Variants in TANGO6 observed in about 807,000 individuals in gnomAD.
TANGO6 encodes transport and Golgi organization protein 6 homolog.
In TANGO6, 90 loss-of-function variants were observed where a neutral mutation model predicts 114.2. The observed-to-expected ratio is 0.79, with a 90% CI of 0.66 to 0.94. TANGO6 has a LOEUF of 0.94. Among genes scored for constraint, TANGO6 ranks in the 40% least tolerant of loss-of-function variants. TANGO6 has a pLI of 0.00. For synonymous variants in TANGO6, 477 were observed against 509.8 expected (o/e 0.94, Z 0.87); for missense variants, 1,274 against 1,315.3 (o/e 0.97, Z 0.49).
At chr16:68,871,128 GTC>G (rs1264451038) in intron 4 of TANGO6, among the ~76,000 whole-genome samples, 1 of 151,962 alleles carries the variant, frequency 6.6e-6, no homozygotes, top group Non-Finnish European at 1.5e-5. Context: ...GTCTGAAAAA[GTC>G]TAGTTCATCT....
intron 17 of TANGO6, among the ~76,000 whole-genome samples, chr16:69,062,922 T>A (rs1960146295): frequency 1.3e-5 from 2 of 150,464 alleles, no homozygotes; most frequent in South Asian, 4.2e-4. Flanking sequence ...TGAAACCCTG[T>A]CTGTATTAAA....
intron 15 of TANGO6, among the ~76,000 whole-genome samples, chr16:69,018,727 C>T (rs192946007): frequency 3.6e-4 from 55 of 151,396 alleles, no homozygotes; most frequent in African/African-American, 1.3e-3. Flanking sequence ...TCGAGACTAT[C>T]CTGGCTAACA....
At chr16:68,857,536 A>G (rs1962017001) in intron 1 of TANGO6, among the ~76,000 whole-genome samples, 1 of 152,130 alleles carries the variant, frequency 6.6e-6, no homozygotes, top group Non-Finnish European at 1.5e-5. Context: ...ACTCATTTGG[A>G]TAAATACCCA....
intron 11 of TANGO6, among the ~76,000 whole-genome samples, chr16:68,911,890 A>G (rs934764222): frequency 9.9e-5 from 15 of 152,232 alleles, no homozygotes; most frequent in Admixed American, 2.0e-4. Flanking sequence ...TCTGTAGCAC[A>G]CTGGAGCCAA....
At chr16:68,881,494 A>G (rs1253200756) in intron 7 of TANGO6, among the ~76,000 whole-genome samples, 1 of 152,154 alleles carries the variant, frequency 6.6e-6, no homozygotes, top group African/African-American at 2.4e-5. Context: ...AGCCTGGGGG[A>G]TAGAGCGAGA....
At chr16:68,897,519 C>T (rs13330104) in intron 7 of TANGO6, among the ~76,000 whole-genome samples, 4,268 of 151,500 alleles carry the variant, frequency 0.028, 201 homozygotes, top group African/African-American at 0.093. Flanking sequence ...ACAAGTAGTA[C>T]TTGTTCATTA....
chr16:69,012,849 T>TA (rs1964155828), intron 15 of TANGO6, among the ~76,000 whole-genome samples: 1 of 152,196 alleles, frequency 6.6e-6, no homozygotes, highest in Admixed American at 6.5e-5. Flanking sequence ...CTCGGAGCCT[T>TA]ACGGTTCAAA....
chr16:68,892,511 C>CT (rs57046490), intron 7 of TANGO6, among the ~76,000 whole-genome samples: 5,444 of 138,252 alleles, frequency 0.039, 334 homozygotes, highest in African/African-American at 0.13. Flanking sequence ...TTCAGTCTTT[C>CT]TTTTTTTTTT....
At chr16:68,948,355 C>T (rs1002483680) in intron 14 of TANGO6, 1 of 152,136 alleles carries the variant, frequency 6.6e-6, no homozygotes, top group African/African-American at 2.4e-5. Context: ...GTGCTAGTCA[C>T]AGCAACCCTG....
At chr16:69,024,863 G>T (rs867793057) in intron 16 of TANGO6, among the ~76,000 whole-genome samples, 1 of 151,854 alleles carries the variant, frequency 6.6e-6, no homozygotes, top group Non-Finnish European at 1.5e-5. Context: ...GCTGGAGTGC[G>T]GTGGTGCAGT....
chr16:68,996,084 T>C (rs1963986641), intron 15 of TANGO6, among the ~76,000 whole-genome samples: 1 of 152,168 alleles, frequency 6.6e-6, no homozygotes, highest in South Asian at 2.1e-4. Flanking sequence ...CTAAGATCCC[T>C]CTTCTGTTCA....
intron 15 of TANGO6, among the ~76,000 whole-genome samples, chr16:69,010,750 C>CA: frequency 6.6e-6 from 1 of 152,332 alleles, no homozygotes; most frequent in Non-Finnish European, 1.5e-5. Context: ...GAAGTAAGGA[C>CA]AAAATCTCCA....
intron 4 of TANGO6, among the ~76,000 whole-genome samples, chr16:68,870,071 T>C (rs980251787): frequency 6.6e-6 from 1 of 152,164 alleles, no homozygotes; most frequent in African/African-American, 2.4e-5. Flanking sequence ...TTTAGAAATA[T>C]CTATCTGGAG....
chr16:69,072,786 G>GT (rs1960316561), intron 17 of TANGO6, among the ~76,000 whole-genome samples: 1 of 152,188 alleles, frequency 6.6e-6, no homozygotes, highest in Non-Finnish European at 1.5e-5. Flanking sequence ...TGCACAGGCA[G>GT]TATTGTTATT....
chr16:68,898,446 C>G (rs940665223), intron 7 of TANGO6, among the ~76,000 whole-genome samples: 2 of 152,160 alleles, frequency 1.3e-5, no homozygotes, highest in Non-Finnish European at 2.9e-5. Flanking sequence ...TACTTCAAAA[C>G]TCTTTCTATA....
At chr16:68,928,577 G>A (rs1428623695) in intron 13 of TANGO6, among the ~76,000 whole-genome samples, 1 of 152,100 alleles carries the variant, frequency 6.6e-6, no homozygotes, top group Non-Finnish European at 1.5e-5. Flanking sequence ...TGGGATTACA[G>A]GCGTGAGCCA....
intron 12 of TANGO6, among the ~76,000 whole-genome samples, chr16:68,926,366 T>G (rs1015301270): frequency 6.6e-6 from 1 of 150,850 alleles, no homozygotes; most frequent in African/African-American, 2.4e-5. Context: ...TGGTGGCGTG[T>G]GCCTGTAGTC....
chr16:69,054,125 C>T (rs1215525039), intron 17 of TANGO6, among the ~76,000 whole-genome samples: 9 of 152,114 alleles, frequency 5.9e-5, no homozygotes, highest in Non-Finnish European at 7.4e-5. Flanking sequence ...TGGAGGGTTC[C>T]GGAAGATGAG....
intron 8 of TANGO6, 64 bp from the exon 9 acceptor site, chr16:68,902,264 A>G (rs1007636535): frequency 8.8e-6 from 13 of 1,482,072 alleles, no homozygotes; most frequent in Non-Finnish European, 1.0e-5. Context: ...TTCTTTTTTT[A>G]TGTTAGCTTG....
Sources: allele counts gnomAD v4.1 joint callset (sites outside exome capture counted in the v4.1 genomes callset), GRCh38; gene constraint gnomAD v4.1.1; transcripts MANE v1.5; gene names NCBI Gene and HGNC (gene_info 2026-07-23, HGNC 2026-07-21).